The following SYTL5 variants were observed in gnomAD, a reference collection of about 807,000 sequenced individuals.
SYTL5 encodes synaptotagmin-like protein 5.
In SYTL5, 34 loss-of-function variants were observed where a neutral mutation model predicts 55.9. That is an observed-to-expected ratio of 0.61 (90% CI 0.46 to 0.81). The LOEUF (loss-of-function observed/expected upper bound fraction) is 0.81. Ranked by LOEUF, SYTL5 falls within the 30% of genes least tolerant of loss-of-function variation. The pLI, the probability that SYTL5 is intolerant of heterozygous loss-of-function variation, is 0.00. For synonymous variants in SYTL5, 221 were observed against 188.7 expected (o/e 1.17, Z -1.40); for missense variants, 637 against 546.7 (o/e 1.17, Z -1.65).
rs183512706 is a variant in SYTL5, at chrX:38,060,698, C to T, written c.329+6276C>T. On this transcript the variant is annotated intron_variant, in intron 3 of 16. Coordinates refer to ENST00000297875, the MANE Select transcript of SYTL5 (RefSeq NM_138780.3). ...AGCATGGGATTAAAAAGAAATGAGC[C>T]ATGCCAAATGCATTTGCCCTCTGAA... is the stretch of plus-strand genomic sequence containing the variant. 2.3e-3 allele frequency among the ~76,000 whole-genome samples: 259 copies of T among 112,158 alleles called. 1 individual carries two copies. Among genetic ancestry groups the T allele is most frequent in the African/African-American group, 8.0e-3 (247 of 30,974 alleles).
At chrX:38,013,164 A>G (rs1208777594) in intron 1 of SYTL5, among the ~76,000 whole-genome samples, 4 of 112,658 alleles carry the variant, frequency 3.6e-5, no homozygotes, top group African/African-American at 9.7e-5. Context: ...TGACTGTTAC[A>G]GAGTTTGAGC....
At chrX:37,916,876 G>C in the SYTL5 span, among the ~76,000 whole-genome samples, 307 of 111,235 alleles carry the variant, frequency 2.8e-3, 1 homozygote, top group African/African-American at 9.2e-3. Flanking sequence ...CAGATTTTCG[G>C]AATTTTTACC....
At chrX:38,026,199 C>G (rs1388401237) in intron 1 of SYTL5, among the ~76,000 whole-genome samples, 1 of 112,567 alleles carries the variant, frequency 8.9e-6, no homozygotes, top group African/African-American at 3.2e-5. Flanking sequence ...TGGGCACTGA[C>G]ATCACCTAGC....
At chrX:37,934,380 C>T in the SYTL5 span, among the ~76,000 whole-genome samples, 1 of 108,849 alleles carries the variant, frequency 9.2e-6, no homozygotes, top group Non-Finnish European at 1.9e-5. Context: ...TAAAAAGAAA[C>T]TTGCAAGTTG....
intron 9 of SYTL5, among the ~76,000 whole-genome samples, chrX:38,101,736 TTAA>T (rs1170897045): frequency 9.1e-6 from 1 of 109,798 alleles, no homozygotes; most frequent in Non-Finnish European, 1.9e-5. Context: ...CATTAATATG[TTAA>T]TGAGAGACCT....
chrX:38,007,796 C>G (rs1201974600), intron 1 of SYTL5, among the ~76,000 whole-genome samples: 1 of 111,237 alleles, frequency 9.0e-6, no homozygotes, highest in African/African-American at 3.3e-5. Flanking sequence ...TGTACATACC[C>G]ACATATACAT....
At chrX:37,891,111 T>C in the SYTL5 span, among the ~76,000 whole-genome samples, 42 of 112,027 alleles carry the variant, frequency 3.7e-4, no homozygotes, top group East Asian at 0.011. Flanking sequence ...ATATGATCCA[T>C]CAATTTCACT....
intron 10 of SYTL5, 66 bp from the exon 11 acceptor site, chrX:38,106,527 G>C: frequency 1.0e-6 from 1 of 962,815 alleles, no homozygotes; most frequent in Non-Finnish European, 1.4e-6. Flanking sequence ...TGAATGAAAT[G>C]AGTTGATTCT....
intron 2 of SYTL5, among the ~76,000 whole-genome samples, chrX:38,039,584 G>C (rs948852795): frequency 9.0e-6 from 1 of 111,610 alleles, no homozygotes; most frequent in Non-Finnish European, 1.9e-5. Context: ...CTACTTTGTG[G>C]TATTGACTTG....
At chrX:38,055,011 C>T (rs982649050) in intron 3 of SYTL5, among the ~76,000 whole-genome samples, 2 of 111,254 alleles carry the variant, frequency 1.8e-5, no homozygotes, top group Non-Finnish European at 3.8e-5. Context: ...GCCACTGCAC[C>T]CGGCCACTCT....
At chrX:38,064,074 T>A (rs897720465) in intron 3 of SYTL5, among the ~76,000 whole-genome samples, 2 of 110,705 alleles carry the variant, frequency 1.8e-5, no homozygotes, top group African/African-American at 6.6e-5. Flanking sequence ...TATATGTGTG[T>A]GTGTGTGTGT....
In SYTL5 at chrX:38,106,653, G is replaced by A; in HGVS notation, c.1216G>A (p.Val406Ile). Residue 406 changes from valine to isoleucine, a missense_variant, in exon 11 of 17, where the codon GTC (valine) becomes ATC (isoleucine). By Grantham distance (29) the Val-to-Ile change is conservative (BLOSUM62 3). Coordinates refer to ENST00000297875, the MANE Select transcript of SYTL5 (RefSeq NM_138780.3). ...SETGDYGNVKVSGEILLHISY... is the reference protein window; with the variant it reads ...SETGDYGNVKISGEILLHISY... Reference sequence around the variant, plus strand: ...AACGGGAGACTATGGCAACGTGAAAGTCAGTGGTGAAATCCTTCTCCATAT... The same window carrying A: ...AACGGGAGACTATGGCAACGTGAAAATCAGTGGTGAAATCCTTCTCCATAT... 8.3e-7 allele frequency: 1 copy of A among 1,209,804 alleles called. No homozygotes were observed. Among genetic ancestry groups the A allele is most frequent in the East Asian group, 3.0e-5 (1 of 33,790 alleles).
chrX:37,950,615 C>T, the SYTL5 span, among the ~76,000 whole-genome samples: 1 of 110,845 alleles, frequency 9.0e-6, no homozygotes, highest in Non-Finnish European at 1.9e-5. Context: ...CTCAAACCAG[C>T]GTATTGCTTT....
At chrX:37,960,766 TTTTATTTATTTA>T in the SYTL5 span, among the ~76,000 whole-genome samples, 1,325 of 80,797 alleles carry the variant, frequency 0.016, 11 homozygotes, top group Admixed American at 0.026. Context: ...TCCAGATTAT[TTTTATTTATTTA>T]TTTATTTATT....
At chrX:37,921,190 G>C in the SYTL5 span, among the ~76,000 whole-genome samples, 1 of 111,592 alleles carries the variant, frequency 9.0e-6, no homozygotes, top group Non-Finnish European at 1.9e-5. Context: ...CTGTCATGGA[G>C]AAGTTAAGTA....
the SYTL5 span, among the ~76,000 whole-genome samples, chrX:37,904,051 C>T: frequency 1.8e-5 from 2 of 111,164 alleles, no homozygotes; most frequent in South Asian, 3.8e-4. Flanking sequence ...GTCTAGTATG[C>T]ATTAGGTGCA....
At chrX:37,909,262 G>A in the SYTL5 span, among the ~76,000 whole-genome samples, 1 of 111,948 alleles carries the variant, frequency 8.9e-6, no homozygotes, top group South Asian at 3.7e-4. Flanking sequence ...CTTACAGAAG[G>A]TAGTTTTTGG....
chrX:37,899,047 A>T, the SYTL5 span, among the ~76,000 whole-genome samples: 1 of 112,198 alleles, frequency 8.9e-6, no homozygotes, highest in Non-Finnish European at 1.9e-5. Flanking sequence ...GGTTTGCAGT[A>T]AGAATACTTG....
chrX:37,968,806 C>T, the SYTL5 span, among the ~76,000 whole-genome samples: 1 of 111,577 alleles, frequency 9.0e-6, no homozygotes, highest in Non-Finnish European at 1.9e-5. Flanking sequence ...AGCTGTTGGT[C>T]CTGTATTAAT....
Sources: allele counts gnomAD v4.1 joint callset (sites outside exome capture counted in the v4.1 genomes callset), GRCh38; gene constraint gnomAD v4.1.1; transcripts MANE v1.5; gene names NCBI Gene and HGNC (gene_info 2026-07-23, HGNC 2026-07-21).